The following ZNF385D variants were observed in gnomAD, a reference collection of about 807,000 sequenced individuals.
ZNF385D encodes the protein zinc finger protein 385D, also known as zinc finger protein 659.
ZNF385D carries 15 observed loss-of-function variants against 35.8 expected under a neutral mutation model. The ratio of observed to expected loss-of-function variants is 0.42; its 90% CI spans 0.28 to 0.64. ZNF385D has a LOEUF of 0.64. Ranked by LOEUF, ZNF385D falls within the 30% of genes least tolerant of loss-of-function variation. ZNF385D has a pLI of 0.23. For missense variants in ZNF385D, 474 were observed against 494.6 expected (o/e 0.96, Z 0.39); for synonymous variants, 212 against 186.8 (o/e 1.13, Z -1.10).
At chr3:22,361,208 G>T (rs1482795244) in intron 2 of ZNF385D, among the ~76,000 whole-genome samples, 1 of 151,994 alleles carries the variant, frequency 6.6e-6, no homozygotes, top group Non-Finnish European at 1.5e-5. Flanking sequence ...ATGATTCATT[G>T]TTCCAATGTG....
intron 4 of ZNF385D, among the ~76,000 whole-genome samples, chr3:21,464,449 T>C (rs1200532204): frequency 6.6e-6 from 1 of 152,158 alleles, no homozygotes; most frequent in Admixed American, 6.6e-5. Flanking sequence ...GTCTTCCTTT[T>C]TTTCCTCTCA....
At chr3:21,909,613 G>A (rs1182908503) in intron 3 of ZNF385D, among the ~76,000 whole-genome samples, 1 of 151,994 alleles carries the variant, frequency 6.6e-6, no homozygotes, top group Non-Finnish European at 1.5e-5. Context: ...GGTCCTGAAT[G>A]GATTGTTGCA....
chr3:22,223,899 T>G (rs1388374553), intron 2 of ZNF385D, among the ~76,000 whole-genome samples: 2 of 152,166 alleles, frequency 1.3e-5, no homozygotes, highest in Non-Finnish European at 2.9e-5. Flanking sequence ...CATGCCACCC[T>G]CACTAGAATG....
At chr3:22,196,993 G>T (rs2125235780) in intron 2 of ZNF385D, among the ~76,000 whole-genome samples, 1 of 151,968 alleles carries the variant, frequency 6.6e-6, no homozygotes, top group African/African-American at 2.4e-5. Flanking sequence ...AATCTATTTT[G>T]GCAGGTATTT....
chr3:21,631,199 G>A (rs1160393344), intron 2 of ZNF385D, among the ~76,000 whole-genome samples: 1 of 152,110 alleles, frequency 6.6e-6, no homozygotes, highest in African/African-American at 2.4e-5. Context: ...CTGCACTTCA[G>A]TGGACGGTTG....
At chr3:22,327,414 G>T (rs189254191) in intron 2 of ZNF385D, among the ~76,000 whole-genome samples, 1 of 152,100 alleles carries the variant, frequency 6.6e-6, no homozygotes, top group African/African-American at 2.4e-5. Flanking sequence ...AAGTTCCATG[G>T]GCCTACATTA....
intron 3 of ZNF385D, among the ~76,000 whole-genome samples, chr3:21,965,417 C>T (rs1702859025): frequency 1.3e-5 from 2 of 151,984 alleles, no homozygotes. Flanking sequence ...CATAACGTGC[C>T]AGAGCGTACA....
chr3:21,750,781 G>T, intron 1 of ZNF385D, 114 bp downstream of exon 1: 1 of 1,333,188 alleles, frequency 7.5e-7, no homozygotes. Context: ...GTTGCCAACT[G>T]GAGGTAGGTT....
chr3:22,150,566 T>C (rs779320509), intron 3 of ZNF385D, among the ~76,000 whole-genome samples: 29 of 152,240 alleles, frequency 1.9e-4, no homozygotes, highest in Non-Finnish European at 3.8e-4. Context: ...CCCACTGCAA[T>C]GAGCACTAAA....
chr3:21,636,213 A>C (rs953794415), intron 2 of ZNF385D, among the ~76,000 whole-genome samples: 6 of 151,382 alleles, frequency 4.0e-5, no homozygotes, highest in African/African-American at 1.5e-4. Context: ...CAACCACACC[A>C]ACATCAATTA....
At chr3:21,650,217 C>T (rs1436183019) in intron 2 of ZNF385D, among the ~76,000 whole-genome samples, 1 of 152,122 alleles carries the variant, frequency 6.6e-6, no homozygotes, top group Non-Finnish European at 1.5e-5. Context: ...CATGAAACTA[C>T]AGAATTGCAT....
chr3:22,143,059 T>TTGTGTGTGTGTGTG lies in ZNF385D; in HGVS notation c.325+25744_325+25757dup, dbSNP rs57448532. 4.0e-3 allele frequency among the ~76,000 whole-genome samples: 569 copies of TTGTGTGTGTGTGTG among 140,962 alleles called. 12 individuals are homozygous for TTGTGTGTGTGTGTG. Among genetic ancestry groups the TTGTGTGTGTGTGTG allele is most frequent in the African/African-American group, 0.014 (526 of 36,806 alleles). The allele number at this position is 140,962 out of a possible 152,430, so 92.5% of individuals were successfully genotyped here. A position where few individuals can be genotyped will look rare whatever the true frequency, so the allele number is the denominator to read the frequency against. On this transcript the variant is annotated intron_variant, in intron 3 of 5. Coordinates refer to the ZNF385D transcript ENST00000494108. ...CATTTGATATATTCTATTAAATCGG[T>TTGTGTGTGTGTGTG]TGTGTGTGTGTGTGTGTGTGTGTGT...
chr3:22,145,891 T>A (rs1046832871), intron 3 of ZNF385D, among the ~76,000 whole-genome samples: 24 of 152,032 alleles, frequency 1.6e-4, no homozygotes, highest in African/African-American at 4.6e-4. Flanking sequence ...TCCAAGTAGT[T>A]GGAAATAAGA....
At chr3:21,842,602 T>C (rs1264021814) in intron 3 of ZNF385D, among the ~76,000 whole-genome samples, 1 of 152,054 alleles carries the variant, frequency 6.6e-6, no homozygotes, top group Non-Finnish European at 1.5e-5. Flanking sequence ...GTTGTTTACA[T>C]ACTGGTCTGA....
At chr3:22,306,689 G>C (rs1346894488) in intron 2 of ZNF385D, among the ~76,000 whole-genome samples, 1 of 152,078 alleles carries the variant, frequency 6.6e-6, no homozygotes, top group Non-Finnish European at 1.5e-5. Flanking sequence ...GCAATGTAAG[G>C]TGAATTAGCA....
chr3:21,416,404 G>C lies in ZNF385D; in HGVS notation c.*4810C>G, dbSNP rs1161301788. ...TTTGTCACCATTCACATTCTGGTAAGTTGTAAGTCCATTCCTGGCAGTAAC... is the reference window on the plus strand; with the variant it reads ...TTTGTCACCATTCACATTCTGGTAACTTGTAAGTCCATTCCTGGCAGTAAC... On this transcript the variant is annotated 3_prime_UTR_variant, in exon 8 of 8. Coordinates refer to ENST00000281523, the MANE Select transcript of ZNF385D (RefSeq NM_024697.3). 6.6e-6 allele frequency: 1 copy of C among 152,122 alleles called. No homozygotes were observed. Among genetic ancestry groups the C allele is most frequent in the Non-Finnish European group, 1.5e-5 (1 of 68,022 alleles). The allele number at this position is 152,122 out of a possible 1,614,324, so 9.4% of individuals were successfully genotyped here.
At chr3:21,432,290 G>A (rs2125220585) in intron 5 of ZNF385D, among the ~76,000 whole-genome samples, 1 of 152,142 alleles carries the variant, frequency 6.6e-6, no homozygotes, top group East Asian at 1.9e-4. Flanking sequence ...TTACATTGTT[G>A]CTTTTGTTAA....
intron 2 of ZNF385D, among the ~76,000 whole-genome samples, chr3:22,319,774 C>A (rs1694314501): frequency 2.0e-5 from 3 of 152,140 alleles, no homozygotes. Flanking sequence ...ACAATAAGCA[C>A]AAGCTGATAT....
chr3:22,347,009 A>G (rs973039512), intron 2 of ZNF385D, among the ~76,000 whole-genome samples: 1 of 152,196 alleles, frequency 6.6e-6, no homozygotes, highest in Non-Finnish European at 1.5e-5. Context: ...TCAATCTCCT[A>G]TAACTGCCAA....
Sources: allele counts gnomAD v4.1 joint callset (sites outside exome capture counted in the v4.1 genomes callset), GRCh38; gene constraint gnomAD v4.1.1; transcripts MANE v1.5; gene names NCBI Gene and HGNC (gene_info 2026-07-23, HGNC 2026-07-21).